The following CORO1C variants were observed in gnomAD, a reference collection of about 807,000 sequenced individuals.
The protein encoded by CORO1C is coronin 1C, also known as coronin-1C.
CORO1C carries 14 observed loss-of-function variants against 51.2 expected under a neutral mutation model. The ratio of observed to expected loss-of-function variants is 0.27; its 90% CI spans 0.18 to 0.43. CORO1C has a LOEUF of 0.43. Among genes scored for constraint, CORO1C ranks in the 20% least tolerant of loss-of-function variants. The pLI, the probability that CORO1C is intolerant of heterozygous loss-of-function variation, is 1.00. For missense variants in CORO1C, 417 were observed against 607.8 expected (o/e 0.69, Z 3.30); for synonymous variants, 181 against 210.5 (o/e 0.86, Z 1.21).
intron 1 of CORO1C, chr12:108,702,662 A>T: frequency 1.1e-6 from 1 of 890,338 alleles, no homozygotes; most frequent in Admixed American, 3.3e-5. Context: ...AGGAGAGCTA[A>T]CACCTGTCCA....
At chr12:108,672,317 G>T (rs1262967194) in intron 3 of CORO1C, among the ~76,000 whole-genome samples, 1 of 152,170 alleles carries the variant, frequency 6.6e-6, no homozygotes, top group Non-Finnish European at 1.5e-5. Context: ...TGAAAATACA[G>T]AATACATCAT....
At chr12:108,648,196 C>T (rs2136789902) in intron 10 of CORO1C, among the ~76,000 whole-genome samples, 1 of 152,282 alleles carries the variant, frequency 6.6e-6, no homozygotes, top group African/African-American at 2.4e-5. Flanking sequence ...TCCCTCCTTC[C>T]AGGGACCTCC....
intron 1 of CORO1C, among the ~76,000 whole-genome samples, chr12:108,709,123 A>G (rs1413678827): frequency 6.6e-6 from 1 of 152,088 alleles, no homozygotes; most frequent in South Asian, 2.1e-4. Flanking sequence ...ATTTGATTAT[A>G]TATATATACT....
intron 2 of CORO1C, among the ~76,000 whole-genome samples, chr12:108,692,355 T>C (rs538999582): frequency 4.6e-5 from 7 of 152,356 alleles, no homozygotes; most frequent in Admixed American, 1.3e-4. Flanking sequence ...TGTCCACATC[T>C]GTACAAAGGG....
At chr12:108,716,127 C>CAAAAAAAA (rs61278729) in intron 1 of CORO1C, among the ~76,000 whole-genome samples, 9 of 41,074 alleles carry the variant, frequency 2.2e-4, no homozygotes, top group Admixed American at 4.8e-4. Context: ...GACTCTGTCG[C>CAAAAAAAA]AAAAAAAAAA....
intron 2 of CORO1C, among the ~76,000 whole-genome samples, chr12:108,679,800 C>CT (rs2034058711): frequency 1.3e-5 from 2 of 152,312 alleles, no homozygotes; most frequent in South Asian, 4.1e-4. Context: ...AAACAGGTGA[C>CT]TTTAGACAAG....
rs2032348852 is a variant in CORO1C at position 108,646,118 on chromosome 12, AT to A, written c.*1284del. On this transcript the variant is annotated 3_prime_UTR_variant, in exon 11 of 11. Coordinates refer to ENST00000261401, the MANE Select transcript of CORO1C (RefSeq NM_014325.4). ...TGCTCCTGTTTCTGCTTCACTCTCT[AT>A]CATTCTCCTCAGTCTCAATACTCAT... The A allele has an allele frequency of 6.6e-6, 1 of 152,148 alleles. No individual in the cohort carries two copies. Among genetic ancestry groups the A allele is most frequent in the Admixed American group, 6.6e-5 (1 of 15,266 alleles). 9.4% of individuals were successfully genotyped at this position (152,148 alleles called of 1,614,324 possible).
At position 108,654,343 on chromosome 12, in the gene CORO1C, T is replaced by TA; in HGVS notation, c.817dup (p.Tyr273LeufsTer2). ...GTAAATGATGCTGGTGTCAGGGTCA[T>TA]AGAAAGGCAGCAACACCCCATTGCT... On this transcript the variant is annotated frameshift_variant, in exon 7 of 11. Coordinates refer to ENST00000261401, the MANE Select transcript of CORO1C (RefSeq NM_014325.4). LOFTEE classifies it high-confidence loss of function. 2 of 1,613,518 alleles carry TA rather than the reference T, an allele frequency of 1.2e-6. No individual in the cohort carries two copies. Among genetic ancestry groups the TA allele is most frequent in the Non-Finnish European group, 1.7e-6 (2 of 1,179,450 alleles).
chr12:108,667,455 T>C (rs1478780509), intron 3 of CORO1C, among the ~76,000 whole-genome samples: 2 of 152,260 alleles, frequency 1.3e-5, no homozygotes, highest in Admixed American at 6.5e-5. Context: ...GGCATCTCAG[T>C]GCAGCAGAGA....
At chr12:108,718,221 T>C (rs1329120079) in intron 1 of CORO1C, among the ~76,000 whole-genome samples, 1 of 151,998 alleles carries the variant, frequency 6.6e-6, no homozygotes. Context: ...GGCGTGGCAG[T>C]GGGTGCCTGT....
At chr12:108,656,429 T>TG (rs1315470765) in intron 6 of CORO1C, among the ~76,000 whole-genome samples, 15 of 143,700 alleles carry the variant, frequency 1.0e-4, no homozygotes, top group South Asian at 4.5e-4. Context: ...GGGAGGGAGG[T>TG]GGGGGGTCAG....
In CORO1C at chr12:108,648,609, C is replaced by A; in HGVS notation, c.1301G>T (p.Ser434Ile). 1 of 1,614,200 alleles carries A rather than the reference C, an allele frequency of 6.2e-7. No individual in the cohort carries two copies. Among genetic ancestry groups the A allele is most frequent in the Non-Finnish European group, 8.5e-7 (1 of 1,180,032 alleles). The change falls in exon 10 of 11, where the codon AGT (serine) becomes ATT (isoleucine). Residue 434 changes from serine to isoleucine, a missense_variant. Ser to Ile is a moderately radical substitution (Grantham distance 142). Coordinates refer to ENST00000261401, the MANE Select transcript of CORO1C (RefSeq NM_014325.4). ...SIPKKTTDTA[S>I]VQNEAKLDEI... Reference sequence around the variant, plus strand: ...CTGCACTCCACTGGTCCTCACCACACTGGCCGTGTCTGTGGTTTTCTTGGG... The same window carrying A: ...CTGCACTCCACTGGTCCTCACCACAATGGCCGTGTCTGTGGTTTTCTTGGG...
intron 2 of CORO1C, among the ~76,000 whole-genome samples, chr12:108,678,737 A>C (rs2034002389): frequency 6.7e-6 from 1 of 149,016 alleles, no homozygotes; most frequent in South Asian, 2.1e-4. Flanking sequence ...AAAAAAAAAA[A>C]CCCTAAACCT....
In CORO1C at chr12:108,673,675, C is replaced by T. The variant is rs562881840; in HGVS notation, c.318+4597G>A. ...AGCTGCCTGTCTTGTTAGAGGCTCA[C>T]GCAGCTGGTGACTTTAAGTTGACGC... On this transcript the variant is annotated intron_variant, in intron 3 of 10. Transcript: ENST00000261401. Among the ~76,000 whole-genome samples the T allele has an allele frequency of 3.2e-4, 48 of 152,274 alleles. No individual in the cohort carries two copies. The South Asian group carries it at 3.9e-3, about 12-fold the overall frequency.
At chr12:108,662,734 T>C (rs1288889778) in intron 3 of CORO1C, among the ~76,000 whole-genome samples, 1 of 152,192 alleles carries the variant, frequency 6.6e-6, no homozygotes, top group Non-Finnish European at 1.5e-5. Flanking sequence ...TTAAAACATA[T>C]TTTCTATAAT....
At chr12:108,714,453 AAC>A (rs371902389) in intron 1 of CORO1C, among the ~76,000 whole-genome samples, 5 of 150,922 alleles carry the variant, frequency 3.3e-5, no homozygotes, top group Non-Finnish European at 5.9e-5. Context: ...AAACACTAGA[AAC>A]ACACACACAC....
intron 8 of CORO1C, among the ~76,000 whole-genome samples, chr12:108,651,775 C>G (rs2063048657): frequency 6.6e-6 from 1 of 152,152 alleles, no homozygotes; most frequent in African/African-American, 2.4e-5. Flanking sequence ...GTATTAATTC[C>G]ACAGTACACA....
At chr12:108,694,569 A>G (rs2034612531) in intron 2 of CORO1C, among the ~76,000 whole-genome samples, 1 of 152,206 alleles carries the variant, frequency 6.6e-6, no homozygotes, top group Non-Finnish European at 1.5e-5. Flanking sequence ...CAATGTTAAC[A>G]TTGCACATTA....
intron 3 of CORO1C, among the ~76,000 whole-genome samples, chr12:108,669,647 T>G (rs1352853098): frequency 4.9e-5 from 6 of 121,710 alleles, no homozygotes; most frequent in African/African-American, 1.9e-4. Flanking sequence ...AGCCTAGGCT[T>G]GAGAAACTAC....
Sources: gnomAD v4.1 joint callset for allele counts (sites outside exome capture counted in the v4.1 genomes callset) on GRCh38, gnomAD v4.1.1 for gene constraint, MANE v1.5 for transcripts, NCBI Gene and HGNC (gene_info 2026-07-23, HGNC 2026-07-21) for gene names.